SIRPA: variants seen among roughly 807,000 people sequenced by gnomAD.
SIRPA encodes tyrosine-protein phosphatase non-receptor type substrate 1.
Under a neutral mutation model 50.3 loss-of-function variants are expected in SIRPA, and 9 were observed. That is an observed-to-expected ratio of 0.18 (90% confidence interval 0.11 to 0.31). SIRPA has a LOEUF of 0.31. SIRPA is among the 10% of genes least tolerant of loss of function. The probability of loss-of-function intolerance (pLI) is 1.00; values close to 1 mark genes in which losing one functional copy is unlikely to be tolerated. For synonymous variants in SIRPA, 265 were observed against 284.1 expected (o/e 0.93, Z 0.68); for missense variants, 474 against 661.6 (o/e 0.72, Z 3.11).
At chr20:1,929,045 C>A (rs1986153230) in intron 6 of SIRPA, among the ~76,000 whole-genome samples, 1 of 152,098 alleles carries the variant, frequency 6.6e-6, no homozygotes, top group Non-Finnish European at 1.5e-5. Flanking sequence ...GTTTTGCCAG[C>A]AACTGCATAG....
rs1452769668 is a variant in SIRPA, at chr20:1,938,911, T to G, written c.*1343T>G. 6.5e-6 allele frequency: 1 copy of G among 152,738 alleles called. No individual in the cohort carries two copies. The highest frequency in any genetic ancestry group is 1.9e-4 in the East Asian group (1 of 5,198). The allele number at this position is 152,738 out of a possible 1,614,324, so 9.5% of individuals were successfully genotyped here. ...CTGGCCGTCTATCCTACCCCTTTAG[T>G]GACCGCCCCCATCCCGGCTTTCTGA... On this transcript the variant is annotated 3_prime_UTR_variant, in exon 8 of 8. Coordinates refer to ENST00000358771, the MANE Select transcript of SIRPA (RefSeq NM_001040023.2).
rs541028936 is a variant in SIRPA at position 1,924,021 on chromosome 20, G to A, written c.1088-743G>A. On this transcript the variant is annotated intron_variant, in intron 4 of 7. Transcript: ENST00000358771. This position sits in a 1 kb window ranked among gnomAD's most constrained non-coding sequence, Gnocchi z 4.5. ...GGTTGGTTGGTTGGTTGGTTGGTTG[G>A]TTACATAATCCTTAGTTAGCCAATG... is the stretch of plus-strand genomic sequence containing the variant. 2.1e-5 allele frequency among the ~76,000 whole-genome samples: 3 copies of A among 144,172 alleles called. No homozygotes were observed. Among genetic ancestry groups the A allele is most frequent in the African/African-American group, 7.8e-5 (3 of 38,268 alleles). The allele number at this position is 144,172 out of a possible 152,430, so 94.6% of individuals were successfully genotyped here.
At chr20:1,895,203 T>G (rs1175333732), upstream of SIRPA, 4 of 372,358 alleles carry the variant, frequency 1.1e-5, no homozygotes, top group Admixed American at 4.9e-5. Context: ...CCTGGCTTTA[T>G]TTCTCGCGCG....
At position 1,938,473 on chromosome 20, in the gene SIRPA, CTG is replaced by C. The variant is rs1986721572; in HGVS notation, c.*907_*908del. ...ACAACAGCAACGTGATCTTGGCTGT[CTG>C]TCATGTGTTGAAGTCCATGGTTGGG... On this transcript the variant is annotated 3_prime_UTR_variant, in exon 8 of 8. Coordinates refer to ENST00000358771, the MANE Select transcript of SIRPA (RefSeq NM_001040023.2). 1 of 152,674 alleles carries C rather than the reference CTG, an allele frequency of 6.5e-6. No homozygotes were observed. The highest frequency in any genetic ancestry group is 2.1e-4 in the South Asian group (1 of 4,838). 9.5% of individuals were successfully genotyped at this position (152,674 alleles called of 1,614,324 possible). A position where few individuals can be genotyped will look rare whatever the true frequency, so the allele number is the denominator to read the frequency against.
intron 1 of SIRPA, among the ~76,000 whole-genome samples, chr20:1,897,246 C>A (rs911469745): frequency 5.9e-5 from 9 of 152,350 alleles, no homozygotes; most frequent in Non-Finnish European, 1.2e-4. Flanking sequence ...AACTTCCGTT[C>A]CAATCCATTC....
At position 1,925,560 on chromosome 20, in the gene SIRPA, T is replaced by C. The variant is rs141204021; in HGVS notation, c.1201+683T>C. ...TGTGCACGTGTTACGTGTGTGTCTGTGTGTGTGTGCTGGTTGTTGGGAGGG... is the reference window on the plus strand; with the variant it reads ...TGTGCACGTGTTACGTGTGTGTCTGCGTGTGTGTGCTGGTTGTTGGGAGGG... On this transcript the variant is annotated intron_variant, in intron 5 of 7. Coordinates refer to ENST00000358771, the MANE Select transcript of SIRPA (RefSeq NM_001040023.2). Among the ~76,000 whole-genome samples, 437 of 152,290 alleles carry C rather than the reference T, an allele frequency of 2.9e-3. 2 individuals carry two copies. Among genetic ancestry groups the C allele is most frequent in the African/African-American group, 9.7e-3 (403 of 41,558 alleles).
At chr20:1,895,628 G>T (rs1983753993) in intron 1 of SIRPA, 102 bp downstream of exon 1, 6 of 899,466 alleles carry the variant, frequency 6.7e-6, no homozygotes, top group Non-Finnish European at 9.2e-6. Context: ...AGCAGTAATA[G>T]GGGGAGAGAC....
intron 1 of SIRPA, among the ~76,000 whole-genome samples, chr20:1,902,943 C>T (rs1984310667): frequency 7.1e-6 from 1 of 140,354 alleles, no homozygotes; most frequent in East Asian, 2.3e-4. Flanking sequence ...CCCCAGGAGG[C>T]AGAGGTTGCA....
intron 1 of SIRPA, 119 bp from the exon 2 acceptor site, chr20:1,914,980 C>G: frequency 1.2e-6 from 1 of 858,334 alleles, no homozygotes; most frequent in South Asian, 1.7e-5. Flanking sequence ...ATGCACTATA[C>G]TGATCTCACA....
chr20:1,940,273 A>G lies in SIRPA; in HGVS notation c.*2705A>G, dbSNP rs1206392530. 1 of 152,228 alleles carries G rather than the reference A, an allele frequency of 6.6e-6. No homozygotes were observed. Among genetic ancestry groups the G allele is most frequent in the African/African-American group, 2.4e-5 (1 of 41,446 alleles). The allele number at this position is 152,228 out of a possible 1,614,324, so 9.4% of individuals were successfully genotyped here. The stretch of plus-strand genomic sequence containing the variant: ...CAAGGAGGTTGGAAGCACTGAGCCC[A>G]CGCTTGGCACTGGGTAGGCCATCAC... On this transcript the variant is annotated 3_prime_UTR_variant, in exon 8 of 8. Transcript: ENST00000358771.
At position 1,927,977 on chromosome 20, in the gene SIRPA, T is replaced by C. The variant is rs1240794339; in HGVS notation, c.1226+78T>C. On this transcript the variant is annotated intron_variant, in intron 6 of 7. Transcript: ENST00000358771. This position sits in a 1 kb window ranked among gnomAD's most constrained non-coding sequence, Gnocchi z 6.5. ...CAGCCCCCCAGACTACAAAGCATAA[T>C]CCATGTCCACTGACCTCACCAATGT... 2 of 1,263,590 alleles carry C rather than the reference T, an allele frequency of 1.6e-6. No individual in the cohort carries two copies. Among genetic ancestry groups the C allele is most frequent in the East Asian group, 4.6e-5 (2 of 43,214 alleles). The allele number at this position is 1,263,590 out of a possible 1,614,324, so 78.3% of individuals were successfully genotyped here.
intron 2 of SIRPA, among the ~76,000 whole-genome samples, chr20:1,918,921 C>T (rs1043316407): frequency 3.9e-5 from 6 of 152,246 alleles, no homozygotes; most frequent in African/African-American, 1.4e-4. Context: ...CCTCCTGGCT[C>T]TGTGACCTGG....
chr20:1,897,614 G>T (rs754943056), intron 1 of SIRPA, among the ~76,000 whole-genome samples: 1 of 152,216 alleles, frequency 6.6e-6, no homozygotes, highest in Non-Finnish European at 1.5e-5. Context: ...ATTTGTTCGA[G>T]TGAGAAACTA....
chr20:1,935,416 C>T lies in SIRPA; in HGVS notation c.1266+662C>T, dbSNP rs553018216. 4.6e-5 allele frequency among the ~76,000 whole-genome samples: 7 copies of T among 152,352 alleles called. No individual in the cohort carries two copies. In the East Asian group the frequency reaches 5.8e-4, roughly 13 times the overall value. On this transcript the variant is annotated intron_variant, in intron 7 of 7. Transcript: ENST00000358771. Reference sequence around the variant, plus strand: ...CCCTGCTCTGAACCCGGAACGAGAGCGCGCCAGCTGTCCTTGACATTTCCA... The same window carrying T: ...CCCTGCTCTGAACCCGGAACGAGAGTGCGCCAGCTGTCCTTGACATTTCCA...
chr20:1,917,010 A>C (rs1985345323), intron 2 of SIRPA, among the ~76,000 whole-genome samples: 1 of 152,156 alleles, frequency 6.6e-6, no homozygotes, highest in Non-Finnish European at 1.5e-5. Context: ...TTCCCAGATG[A>C]TGCATCTCGT....
At chr20:1,907,656 C>T (rs540281662) in intron 1 of SIRPA, among the ~76,000 whole-genome samples, 95 of 152,344 alleles carry the variant, frequency 6.2e-4, no homozygotes, top group African/African-American at 2.2e-3. Flanking sequence ...CAACACCGAT[C>T]GCCATGTGCG....
At chr20:1,918,819 C>T (rs955095043) in intron 2 of SIRPA, among the ~76,000 whole-genome samples, 2 of 152,062 alleles carry the variant, frequency 1.3e-5, no homozygotes, top group Non-Finnish European at 2.9e-5. Flanking sequence ...GGAATGGTGG[C>T]GGTGTTCGGG....
chr20:1,908,693 C>T (rs1984699632), intron 1 of SIRPA, among the ~76,000 whole-genome samples: 1 of 152,214 alleles, frequency 6.6e-6, no homozygotes, highest in Non-Finnish European at 1.5e-5. Flanking sequence ...TATGCACCCT[C>T]AGCACACTCA....
In SIRPA at chr20:1,934,826, A is replaced by AATTCCGGTT; in HGVS notation, c.1266+72_1266+73insATTCCGGTT. 6.5e-7 allele frequency: 1 copy of AATTCCGGTT among 1,537,738 alleles called. No individual in the cohort carries two copies. Among genetic ancestry groups the AATTCCGGTT allele is most frequent in the Non-Finnish European group, 9.0e-7 (1 of 1,110,874 alleles). ...GTTGCTTCACATCAACCGGAATTGC[A>AATTCCGGTT]GATCTGGTTCTAAATTAAGACTCCT... On this transcript the variant is annotated intron_variant, in intron 7 of 7. Coordinates refer to ENST00000358771, the MANE Select transcript of SIRPA (RefSeq NM_001040023.2). The surrounding 1 kb of genome is among the most constrained non-coding windows in gnomAD (Gnocchi z 4.6).
Sources: gnomAD v4.1 joint callset for allele counts (sites outside exome capture counted in the v4.1 genomes callset) on GRCh38, gnomAD v4.1.1 for gene constraint, Gnocchi (gnomAD v3.1) non-coding constraint, MANE v1.5 for transcripts, NCBI Gene and HGNC (gene_info 2026-07-23, HGNC 2026-07-21) for gene names.